The following UNC13B variants were observed in gnomAD, a reference collection of about 807,000 sequenced individuals.
UNC13B encodes the protein unc-13 homolog B.
Under a neutral mutation model 211.0 loss-of-function variants are expected in UNC13B, and 144 were observed. That is an observed-to-expected ratio of 0.68 (90% CI 0.60 to 0.78). The LOEUF is 0.78. Among genes scored for constraint, UNC13B ranks in the 30% least tolerant of loss-of-function variants. The probability of loss-of-function intolerance (pLI) is 0.00; values close to 1 mark genes in which losing one functional copy is unlikely to be tolerated. For missense variants in UNC13B, 1,777 were observed against 2,002.0 expected, an observed-to-expected ratio of 0.89 and a Z score of 2.14; for synonymous variants, 709 against 725.8, an observed-to-expected ratio of 0.98 and a Z score of 0.37.
At position 35,303,072 on chromosome 9, in the gene UNC13B, ATGAGGTCC is replaced by A; in HGVS notation, c.3669_3676del (p.Glu1224CysfsTer8). On this transcript the variant is annotated frameshift_variant, in exon 9 of 40. Coordinates refer to ENST00000635942, the MANE Select transcript of UNC13B (RefSeq NM_001371189.2). LOFTEE classifies it high-confidence loss of function. Reference sequence around the variant, plus strand: ...AATGGAGATAACCATTTATCCTTGGATGAGGTCCCTGCTACTTCATGTGTGACTTCTGA... The same window carrying A: ...AATGGAGATAACCATTTATCCTTGGACTGCTACTTCATGTGTGACTTCTGA... 2.5e-6 allele frequency: 1 copy of A among 398,752 alleles called. No individual in the cohort carries two copies. The allele number at this position is 398,752 out of a possible 1,614,324, so 24.7% of individuals were successfully genotyped here.
At chr9:35,328,646 T>TCCTTCCTTCCTC (rs1248643995) in intron 11 of UNC13B, among the ~76,000 whole-genome samples, 55 of 83,966 alleles carry the variant, frequency 6.6e-4, no homozygotes, top group African/African-American at 1.6e-3. Context: ...CTTCCTTCCT[T>TCCTTCCTTCCTC]CCTTCCTTCC....
At chr9:35,296,027 C>T (rs1484364440) in intron 8 of UNC13B, 97 bp downstream of exon 8, 10 of 1,159,902 alleles carry the variant, frequency 8.6e-6, no homozygotes, top group East Asian at 2.6e-5. Context: ...GAAGAGGTAG[C>T]GTAAGTGTAG....
chr9:35,381,122 C>T lies in UNC13B; in HGVS notation c.10398C>T (p.Ala3466=), dbSNP rs747480269. ...TAGAGAAGAGGACAGACAAATCAGC[C>T]GTCTCAGGGGCTATCCGACTACAAA... ...YNLEKRTDKS[A]VSGAIRLQIS... The change falls in exon 19 of 40, where the codon GCC becomes GCT. Residue 3466 remains alanine (A), a synonymous_variant. Coordinates refer to ENST00000635942, the MANE Select transcript of UNC13B (RefSeq NM_001371189.2). 8 of 1,613,916 alleles carry T rather than the reference C, an allele frequency of 5.0e-6. No individual in the cohort carries two copies. The highest frequency in any genetic ancestry group is 2.7e-5 in the African/African-American group (2 of 74,896).
intron 11 of UNC13B, among the ~76,000 whole-genome samples, chr9:35,315,202 T>G (rs1269656596): frequency 6.6e-6 from 1 of 151,920 alleles, no homozygotes; most frequent in African/African-American, 2.4e-5. Context: ...CATAATATTT[T>G]TGCTACTGTG....
At chr9:35,169,682 T>C (rs1434212511) in intron 1 of UNC13B, among the ~76,000 whole-genome samples, 4 of 152,184 alleles carry the variant, frequency 2.6e-5, no homozygotes, top group Non-Finnish European at 5.9e-5. Context: ...AGGAAGTTGA[T>C]TGTGCTTTGT....
intron 7 of UNC13B, among the ~76,000 whole-genome samples, chr9:35,295,279 TC>T (rs1564118394): frequency 6.6e-6 from 1 of 152,190 alleles, no homozygotes; most frequent in Admixed American, 6.5e-5. Flanking sequence ...GGGGTTTTTT[TC>T]CCCAAGATAT....
chr9:35,361,958 A>G (rs1833444512), intron 11 of UNC13B: 1 of 152,250 alleles, frequency 6.6e-6, no homozygotes, highest in Admixed American at 6.5e-5. Context: ...GAAGGAAAGT[A>G]AGCTAGAACG....
At chr9:35,273,967 G>A (rs1288116647) in intron 7 of UNC13B, among the ~76,000 whole-genome samples, 2 of 152,176 alleles carry the variant, frequency 1.3e-5, no homozygotes, top group Non-Finnish European at 2.9e-5. Context: ...GGCAATTACT[G>A]TGTCAAAGCT....
chr9:35,306,662 C>T lies in UNC13B; in HGVS notation c.7258C>T (p.Gln2420Ter). ...AAAGGCCCCCGATGAGGTCTTACCA[C>T]AGATCCTAGAGCCAGCCTCTTCCTC... is the stretch of plus-strand genomic sequence containing the variant. Reference protein sequence around the residue: ...LEKAPDEVLPQILEPASSSPE... With the variant: ...LEKAPDEVLP The change falls in exon 9 of 40, where the codon CAG becomes TAG. Residue 2420 changes from glutamine to a stop codon, truncating the protein, a stop_gained. Coordinates refer to ENST00000635942, the MANE Select transcript of UNC13B (RefSeq NM_001371189.2). LOFTEE classifies it high-confidence loss of function. 7.5e-6 allele frequency: 3 copies of T among 399,098 alleles called. No homozygotes were observed. Among genetic ancestry groups the T allele is most frequent in the Non-Finnish European group, 1.3e-5 (3 of 226,094 alleles). 24.7% of individuals were successfully genotyped at this position (399,098 alleles called of 1,614,324 possible).
intron 12 of UNC13B, among the ~76,000 whole-genome samples, chr9:35,368,296 G>C (rs1833904138): frequency 6.6e-6 from 1 of 152,180 alleles, no homozygotes; most frequent in African/African-American, 2.4e-5. Context: ...ACTTATAAGA[G>C]AGAACATGCA....
chr9:35,193,484 T>G (rs1218206071), intron 1 of UNC13B, among the ~76,000 whole-genome samples: 1 of 151,878 alleles, frequency 6.6e-6, no homozygotes, highest in East Asian at 1.9e-4. Context: ...CCGTCTCTAC[T>G]AAAAATACAA....
intron 1 of UNC13B, among the ~76,000 whole-genome samples, chr9:35,223,810 T>C (rs781374792): frequency 6.6e-6 from 1 of 152,218 alleles, no homozygotes; most frequent in African/African-American, 2.4e-5. Flanking sequence ...TATTTAACTC[T>C]TGAATTCATT....
intron 5 of UNC13B, among the ~76,000 whole-genome samples, chr9:35,241,386 C>T (rs1041610159): frequency 6.6e-6 from 1 of 152,066 alleles, no homozygotes; most frequent in African/African-American, 2.4e-5. Context: ...TTGTATCTCT[C>T]TGTATTTTTT....
chr9:35,302,779 G>T lies in UNC13B; in HGVS notation c.3375G>T (p.Leu1125Phe). 1 of 398,554 alleles carries T rather than the reference G, an allele frequency of 2.5e-6. No individual in the cohort carries two copies. The highest frequency in any genetic ancestry group is 4.4e-6 in the Non-Finnish European group (1 of 225,752). 24.7% of individuals were successfully genotyped at this position (398,554 alleles called of 1,614,324 possible). The change falls in exon 9 of 40, where the codon TTG (leucine) becomes TTT (phenylalanine). Residue 1125 changes from leucine (L) to phenylalanine (F), a missense_variant. By Grantham distance (22) the Leu-to-Phe change is conservative. Coordinates refer to ENST00000635942, the MANE Select transcript of UNC13B (RefSeq NM_001371189.2). ...ECISTTSKST[L>F]VNEINEDEVI... ...TTTCTACCACTTCCAAATCCACTTT[G>T]GTTAATGAAATTAATGAAGATGAGG...
At chr9:35,310,832 C>G in intron 10 of UNC13B, 51 bp downstream of exon 10, 1 of 1,526,014 alleles carries the variant, frequency 6.6e-7, no homozygotes, top group Non-Finnish European at 8.9e-7. Context: ...AGTACCTGCC[C>G]TGTGGTATTG....
chr9:35,392,432 A>G (rs1025117986), intron 26 of UNC13B, among the ~76,000 whole-genome samples: 1 of 152,136 alleles, frequency 6.6e-6, no homozygotes, highest in African/African-American at 2.4e-5. Flanking sequence ...ATGGGCTTTG[A>G]TAGACATTGG....
In UNC13B at chr9:35,226,510, G is replaced by A. The variant is rs117636360; in HGVS notation, c.23-1505G>A. Among the ~76,000 whole-genome samples the A allele has an allele frequency of 1.6e-4, 25 of 152,330 alleles. No individual in the cohort carries two copies. The East Asian group carries it at 4.8e-3, about 29-fold the overall frequency. ...CATCTGCAAACTGCGGAGCTGGGAA[G>A]CCAGTCCGAGTCCCAAAACCTCAGA... is the stretch of plus-strand genomic sequence containing the variant. On this transcript the variant is annotated intron_variant, in intron 1 of 39. Coordinates refer to ENST00000635942, the MANE Select transcript of UNC13B (RefSeq NM_001371189.2).
At chr9:35,237,172 C>G (rs1825560138) in intron 4 of UNC13B, among the ~76,000 whole-genome samples, 1 of 152,158 alleles carries the variant, frequency 6.6e-6, no homozygotes, top group Non-Finnish European at 1.5e-5. Context: ...CACTTTGGAC[C>G]TGGACAAAAT....
chr9:35,396,867 G>A lies in UNC13B; in HGVS notation c.11462G>A (p.Trp3821Ter), dbSNP rs1182883043. ...TGGTTTGAGCAGTTCGTGCTACAAT[G>A]GCTGGATGAGAATGAGGATGTATCC... ...PAWFEQFVLQ[W>*]LDENEDVSLE... Residue 3821 changes from tryptophan to a stop codon, truncating the protein, a stop_gained, in exon 28 of 40, where the codon TGG becomes TAG. Transcript: ENST00000635942. LOFTEE classifies it high-confidence loss of function. 6.2e-7 allele frequency: 1 copy of A among 1,614,212 alleles called. No homozygotes were observed. Among genetic ancestry groups the A allele is most frequent in the South Asian group, 1.1e-5 (1 of 91,078 alleles).
Sources: allele counts gnomAD v4.1 joint callset (sites outside exome capture counted in the v4.1 genomes callset), GRCh38; gene constraint gnomAD v4.1.1; transcripts MANE v1.5; gene names NCBI Gene and HGNC (gene_info 2026-07-23, HGNC 2026-07-21).